The following OASL variants were observed in gnomAD, a reference collection of about 807,000 sequenced individuals.
OASL encodes 2'-5'-oligoadenylate synthase-like protein.
OASL carries 28 observed loss-of-function variants against 35.3 expected under a neutral mutation model. That is an observed-to-expected ratio of 0.79 (90% CI 0.59 to 1.09). The LOEUF (loss-of-function observed/expected upper bound fraction) is 1.09. Among genes scored for constraint, OASL ranks in the 50% least tolerant of loss-of-function variants. OASL has a pLI of 0.00. For synonymous variants in OASL, 252 were observed against 254.6 expected (o/e 0.99, Z 0.10); for missense variants, 620 against 635.2 (o/e 0.98, Z 0.26).
intron 3 of OASL, among the ~76,000 whole-genome samples, chr12:121,028,883 G>A (rs1869609543): frequency 6.6e-6 from 1 of 151,790 alleles, no homozygotes; most frequent in African/African-American, 2.4e-5. Context: ...TGGCCAACAT[G>A]GTGAAACCCC....
chr12:121,034,184 A>G (rs1178964713), intron 1 of OASL, among the ~76,000 whole-genome samples: 2 of 133,198 alleles, frequency 1.5e-5, no homozygotes. Flanking sequence ...TGCAGCCCTC[A>G]GAGCCCAGAC....
intron 4 of OASL, among the ~76,000 whole-genome samples, chr12:121,024,730 C>A (rs1003359843): frequency 2.0e-5 from 3 of 152,172 alleles, no homozygotes; most frequent in Admixed American, 1.3e-4. Context: ...CCCTTTCAGG[C>A]AGGGGGGGCC....
At chr12:121,030,567 A>G (rs902849729) in intron 3 of OASL, among the ~76,000 whole-genome samples, 2 of 151,838 alleles carry the variant, frequency 1.3e-5, no homozygotes, top group Admixed American at 6.6e-5. Context: ...ACTTCTCTGC[A>G]AGTTCTATAT....
chr12:121,026,092 A>C lies in OASL; in HGVS notation c.899+1484T>G, dbSNP rs373205772. Among the ~76,000 whole-genome samples, 58 of 152,254 alleles carry C rather than the reference A, an allele frequency of 3.8e-4. No individual in the cohort carries two copies. In the South Asian group the frequency reaches 8.9e-3, roughly 23 times the overall value. ...TGGGGTTTGGACATGGGGATGATGG[A>C]GATCCCTTATACCTGGGAGGCAGAG... On this transcript the variant is annotated intron_variant, in intron 4 of 5. Transcript: ENST00000257570.
At chr12:121,020,175 C>A in exon 6 of OASL, 1 of 169,282 alleles carries the variant, frequency 5.9e-6, no homozygotes, top group Admixed American at 5.9e-5. Context: ...GCTCTGTGGC[C>A]TGGGCAGGAG....
intron 2 of OASL, 134 bp downstream of exon 2, chr12:121,033,327 C>T: frequency 1.2e-6 from 1 of 869,504 alleles, no homozygotes; most frequent in Admixed American, 2.7e-5. Context: ...TGCAATAACC[C>T]AGCCCCAAGC....
At chr12:121,026,939 C>T (rs1265597520) in intron 4 of OASL, among the ~76,000 whole-genome samples, 1 of 152,056 alleles carries the variant, frequency 6.6e-6, no homozygotes, top group Non-Finnish European at 1.5e-5. Flanking sequence ...CACCAACTCC[C>T]ACCAGATCTG....
At chr12:121,023,597 G>A (rs1255982499) in intron 5 of OASL, 8 of 162,048 alleles carry the variant, frequency 4.9e-5, no homozygotes, top group East Asian at 1.7e-4. Flanking sequence ...GCCGAGCGTC[G>A]TGGTCATGTC....
intron 3 of OASL, among the ~76,000 whole-genome samples, chr12:121,028,767 T>A (rs1248104401): frequency 1.3e-5 from 2 of 152,142 alleles, no homozygotes; most frequent in Non-Finnish European, 2.9e-5. Context: ...ACTTCCTGTG[T>A]TAAGAATCTC....
chr12:121,027,466 T>C (rs1032222259), intron 4 of OASL, 110 bp downstream of exon 4: 2 of 1,495,776 alleles, frequency 1.3e-6, no homozygotes, highest in Non-Finnish European at 1.8e-6. Flanking sequence ...TCAACTATGG[T>C]GGCAGCCTTA....
rs532904201 is a variant in OASL, at chr12:121,027,043, C to T, written c.899+533G>A. On this transcript the variant is annotated intron_variant, in intron 4 of 5. Transcript: ENST00000257570. ...CAACCTTCCCTAGAACGGTAAAGGC[C>T]GAGAGGATATGAATGGGACGCTGAC... 4.6e-5 allele frequency among the ~76,000 whole-genome samples: 7 copies of T among 151,920 alleles called. No homozygotes were observed. The East Asian group carries it at 7.7e-4, about 17-fold the overall frequency.
At chr12:121,037,645 C>T (rs1397988474) in intron 1 of OASL, among the ~76,000 whole-genome samples, 1 of 151,762 alleles carries the variant, frequency 6.6e-6, no homozygotes, top group Non-Finnish European at 1.5e-5. Context: ...TGGTGGTGGG[C>T]GCTGTCGTCC....
chr12:121,020,719 T>C, exon 6 of OASL: 1 of 1,614,208 alleles, frequency 6.2e-7, no homozygotes, highest in African/African-American at 1.3e-5. Flanking sequence ...TGGTCTTCAA[T>C]CTGCTGCTTC....
chr12:121,022,386 A>T (rs1218882202), intron 5 of OASL, among the ~76,000 whole-genome samples: 1 of 151,984 alleles, frequency 6.6e-6, no homozygotes, highest in Non-Finnish European at 1.5e-5. Context: ...CACCTGGCCA[A>T]GTTTTGTATT....
chr12:121,033,738 G>T, exon 2 of OASL: 1 of 1,612,080 alleles, frequency 6.2e-7, no homozygotes, highest in Non-Finnish European at 8.5e-7. Flanking sequence ...TCCCGAAGGA[G>T]CCCACCTGCA....
At chr12:121,022,976 A>T (rs1040836407) in intron 5 of OASL, among the ~76,000 whole-genome samples, 1 of 152,168 alleles carries the variant, frequency 6.6e-6, no homozygotes, top group African/African-American at 2.4e-5. Context: ...AATAATAAAG[A>T]TAGTGATAAC....
At chr12:121,024,971 CTTTTTTTTTTTT>C (rs751576824) in intron 4 of OASL, among the ~76,000 whole-genome samples, 57 of 63,608 alleles carry the variant, frequency 9.0e-4, no homozygotes, top group African/African-American at 2.5e-3. Flanking sequence ...CCCTAAGTTC[CTTTTTTTTTTTT>C]TTTTTTTTTT....
chr12:121,018,429 G>A (rs543669899), downstream of OASL, among the ~76,000 whole-genome samples: 25 of 152,028 alleles, frequency 1.6e-4, no homozygotes, highest in Non-Finnish European at 3.2e-4. Context: ...CTGCTGGCGC[G>A]AGTGGCCTTG....
chr12:121,038,539 G>A (rs1462386509), intron 1 of OASL, among the ~76,000 whole-genome samples: 2 of 152,200 alleles, frequency 1.3e-5, no homozygotes, highest in African/African-American at 2.4e-5. Flanking sequence ...ATTAGAGATA[G>A]TGTATGTTAA....
Sources: allele counts gnomAD v4.1 joint callset (sites outside exome capture counted in the v4.1 genomes callset), GRCh38; gene constraint gnomAD v4.1.1; transcripts MANE v1.5; gene names NCBI Gene and HGNC (gene_info 2026-07-23, HGNC 2026-07-21).